Variants in PRKCH observed in about 807,000 individuals in gnomAD.
PRKCH encodes the protein protein kinase C eta.
Under a neutral mutation model 82.5 loss-of-function variants are expected in PRKCH, and 28 were observed. That is an observed-to-expected ratio of 0.34 (90% confidence interval 0.25 to 0.47). The LOEUF (loss-of-function observed/expected upper bound fraction) is 0.47, where lower values mean the gene tolerates loss of function less well. Ranked by LOEUF, PRKCH falls within the 20% of genes least tolerant of loss-of-function variation. The probability of loss-of-function intolerance (pLI) is 1.00; values close to 1 mark genes in which losing one functional copy is unlikely to be tolerated. For synonymous variants in PRKCH, 322 were observed against 327.4 expected (o/e 0.98, Z 0.18); for missense variants, 705 against 881.8 (o/e 0.80, Z 2.54).
intron 1 of PRKCH, chr14:61,327,159 C>T (rs1566821998): frequency 2.2e-6 from 1 of 455,162 alleles, no homozygotes; most frequent in South Asian, 1.6e-5. Flanking sequence ...TGGAGGGCCT[C>T]TTTCTCTCAA....
chr14:61,319,985 C>T (rs898598009), upstream of PRKCH, among the ~76,000 whole-genome samples: 2 of 152,156 alleles, frequency 1.3e-5, no homozygotes, highest in African/African-American at 4.8e-5. Context: ...TGAGAACCTA[C>T]TCAATTAGAA....
At chr14:61,485,734 A>G in intron 10 of PRKCH, 78 bp downstream of exon 10, 1 of 1,481,010 alleles carries the variant, frequency 6.8e-7, no homozygotes. Flanking sequence ...TCCACTTCTC[A>G]TGATAATCAG....
At chr14:61,450,691 G>A in intron 5 of PRKCH, 151 bp from the exon 6 acceptor site, 3 of 829,370 alleles carry the variant, frequency 3.6e-6, no homozygotes, top group South Asian at 2.3e-5. Context: ...CGTAAGACCT[G>A]AGTAATTAAT....
rs1167456189 is a variant in PRKCH, at chr14:61,453,589, CTCCTCTCCTT to C, written c.960+251_960+260del. ...CTTTCTCCCTTTTTTTTCTCTCTCT[CTCCTCTCCTT>C]TCCTCTCCTTTCCTTTTTCCTTCCT... is the stretch of plus-strand genomic sequence containing the variant. On this transcript the variant is annotated intron_variant, in intron 7 of 13. Coordinates refer to ENST00000332981, the MANE Select transcript of PRKCH (RefSeq NM_006255.5). 2.2e-3 allele frequency among the ~76,000 whole-genome samples: 315 copies of C among 145,702 alleles called. 2 individuals are homozygous for C. Among genetic ancestry groups the C allele is most frequent in the African/African-American group, 7.7e-3 (305 of 39,432 alleles).
intron 2 of PRKCH, among the ~76,000 whole-genome samples, chr14:61,428,558 A>G (rs960479981): frequency 1.3e-5 from 2 of 152,190 alleles, no homozygotes; most frequent in Non-Finnish European, 2.9e-5. Context: ...TCCTCACCAT[A>G]TAACCAGTCT....
Position 61,321,997 on chromosome 14 carries a change from T to A in PRKCH, c.-105T>A. The A allele has an allele frequency of 7.9e-7, 1 of 1,266,908 alleles. No individual in the cohort carries two copies. The highest frequency in any genetic ancestry group is 1.1e-6 in the Non-Finnish European group (1 of 940,538). 78.5% of individuals were successfully genotyped at this position (1,266,908 alleles called of 1,614,324 possible). On this transcript the variant is annotated 5_prime_UTR_variant, in exon 1 of 14. Transcript: ENST00000332981. This position sits in a 1 kb window ranked among gnomAD's most constrained non-coding sequence, Gnocchi z 4.1. Reference sequence around the variant, plus strand: ...CTTAGGCGCTGCCTTTCCCCAGGGCTGCCTCGACTCCTGCACCTGTCCCGA... The same window carrying A: ...CTTAGGCGCTGCCTTTCCCCAGGGCAGCCTCGACTCCTGCACCTGTCCCGA...
intron 1 of PRKCH, among the ~76,000 whole-genome samples, chr14:61,386,020 A>G (rs1361857085): frequency 6.6e-6 from 1 of 152,220 alleles, no homozygotes; most frequent in Non-Finnish European, 1.5e-5. Flanking sequence ...ACATACCCCA[A>G]ATCACTAGGC....
chr14:61,284,684 G>T (rs2045299341), intron 1 of PRKCH, among the ~76,000 whole-genome samples: 1 of 152,090 alleles, frequency 6.6e-6, no homozygotes, highest in Admixed American at 6.6e-5. Flanking sequence ...AGGATGCTTG[G>T]ATCATGTAAA....
intron 1 of PRKCH, among the ~76,000 whole-genome samples, chr14:61,351,651 G>A (rs879689952): frequency 2.6e-5 from 4 of 152,136 alleles, no homozygotes; most frequent in Admixed American, 2.6e-4. Context: ...TTGGGTGTTG[G>A]TGGTTTTCCA....
At position 61,280,272 on chromosome 14, in the gene PRKCH, C is replaced by G. The variant is rs752497357; in HGVS notation, c.-19+92604C>G. ...GCTTGTGGCCGCCGAACGCGCGCAC[C>G]GGGTAGTTGTAGGTGATGTTGACGC... On this transcript the variant is annotated intron_variant, in intron 1 of 3. Transcript: ENST00000555185. The surrounding 1 kb of genome is among the most constrained non-coding windows in gnomAD (Gnocchi z 5.0). The G allele has an allele frequency of 6.2e-7, 1 of 1,613,846 alleles. No individual in the cohort carries two copies. Among genetic ancestry groups the G allele is most frequent in the South Asian group, 1.1e-5 (1 of 91,070 alleles).
intron 9 of PRKCH, among the ~76,000 whole-genome samples, chr14:61,473,239 G>A (rs959648095): frequency 6.6e-6 from 1 of 152,214 alleles, no homozygotes; most frequent in Non-Finnish European, 1.5e-5. Context: ...GCGGGGGTAG[G>A]GGGGTGGTGA....
intron 1 of PRKCH, among the ~76,000 whole-genome samples, chr14:61,347,515 G>T (rs1413158822): frequency 6.6e-6 from 1 of 152,138 alleles, no homozygotes; most frequent in African/African-American, 2.4e-5. Flanking sequence ...AAGGCAATTG[G>T]AACATCTGTA....
chr14:61,211,930 G>A (rs530939495), intron 1 of PRKCH, among the ~76,000 whole-genome samples: 14 of 152,244 alleles, frequency 9.2e-5, no homozygotes, highest in South Asian at 2.1e-4. Flanking sequence ...CTGGAGAGGC[G>A]GGAGTGAAGC....
At chr14:61,210,047 G>T (rs1352640691) in intron 1 of PRKCH, among the ~76,000 whole-genome samples, 9 of 146,238 alleles carry the variant, frequency 6.2e-5, no homozygotes, top group Non-Finnish European at 1.3e-4. Flanking sequence ...GACCAGCCTG[G>T]CCAACACCGT....
chr14:61,322,657 T>G, intron 1 of PRKCH, 193 bp downstream of exon 1: 1 of 723,806 alleles, frequency 1.4e-6, no homozygotes, highest in Non-Finnish European at 2.2e-6. Context: ...CAGGTGTGTC[T>G]CCAGGAAGCC....
chr14:61,443,076 A>G (rs1269402954), intron 2 of PRKCH, 35 bp from the exon 3 acceptor site: 1 of 1,595,618 alleles, frequency 6.3e-7, no homozygotes, highest in African/African-American at 1.3e-5. Flanking sequence ...GGTTCCTTAC[A>G]TCTTATTCTT....
At chr14:61,324,763 G>A (rs1032115309) in intron 1 of PRKCH, among the ~76,000 whole-genome samples, 1 of 152,034 alleles carries the variant, frequency 6.6e-6, no homozygotes, top group African/African-American at 2.4e-5. Context: ...CTGGCCCAAA[G>A]GTGCTTTTGA....
chr14:61,230,399 C>T (rs2044733070), intron 1 of PRKCH, among the ~76,000 whole-genome samples: 1 of 152,086 alleles, frequency 6.6e-6, no homozygotes, highest in Non-Finnish European at 1.5e-5. Flanking sequence ...TTAAAATCTC[C>T]TAGGAGCCCC....
intron 10 of PRKCH, among the ~76,000 whole-genome samples, chr14:61,499,160 G>GA (rs1343627690): frequency 6.6e-6 from 1 of 152,040 alleles, no homozygotes; most frequent in African/African-American, 2.4e-5. Context: ...AGCCTGGCAG[G>GA]AAAAAAAGCT....
Sources: allele counts gnomAD v4.1 joint callset (sites outside exome capture counted in the v4.1 genomes callset), GRCh38; gene constraint gnomAD v4.1.1; non-coding constraint Gnocchi (gnomAD v3.1); transcripts MANE v1.5; gene names NCBI Gene and HGNC (gene_info 2026-07-23, HGNC 2026-07-21).